BRINP3: variants seen among roughly 807,000 people sequenced by gnomAD.
The protein encoded by BRINP3 is BMP/retinoic acid inducible neural specific 3.
In BRINP3, 19 loss-of-function variants were observed where a neutral mutation model predicts 71.0. The ratio of observed to expected loss-of-function variants is 0.27; its 90% CI spans 0.19 to 0.39. The LOEUF (loss-of-function observed/expected upper bound fraction) is 0.39. BRINP3 is among the 10% of genes least tolerant of loss of function. BRINP3 has a pLI of 1.00. For synonymous variants in BRINP3, 380 were observed against 337.7 expected (o/e 1.13, Z -1.37); for missense variants, 959 against 940.8 (o/e 1.02, Z -0.25).
intron 2 of BRINP3, among the ~76,000 whole-genome samples, chr1:190,307,609 TA>T (rs143531774): frequency 0.015 from 2,336 of 152,116 alleles, 79 homozygotes; most frequent in African/African-American, 0.053. Flanking sequence ...CTAGTTAAGT[TA>T]TTCTAGTCTA....
At chr1:190,207,877 A>G (rs1451770152) in intron 6 of BRINP3, among the ~76,000 whole-genome samples, 1 of 152,138 alleles carries the variant, frequency 6.6e-6, no homozygotes, top group Non-Finnish European at 1.5e-5. Flanking sequence ...AGTTGATAGC[A>G]AATATTAACC....
At chr1:190,404,573 A>C (rs1558255960) in intron 2 of BRINP3, among the ~76,000 whole-genome samples, 1 of 152,196 alleles carries the variant, frequency 6.6e-6, no homozygotes, top group Non-Finnish European at 1.5e-5. Context: ...CATGATCTTA[A>C]GTAAAAGCAG....
chr1:190,315,587 C>A (rs983959157), intron 2 of BRINP3, among the ~76,000 whole-genome samples: 3 of 152,034 alleles, frequency 2.0e-5, no homozygotes, highest in African/African-American at 7.2e-5. Flanking sequence ...CTCTTCTACA[C>A]GAGAAATGCA....
At chr1:190,144,795 A>G (rs1571830772) in intron 7 of BRINP3, among the ~76,000 whole-genome samples, 1 of 151,972 alleles carries the variant, frequency 6.6e-6, no homozygotes, top group Non-Finnish European at 1.5e-5. Flanking sequence ...TTCTATTACT[A>G]TACTCTCCAT....
At chr1:190,297,941 A>T (rs1000120827) in intron 2 of BRINP3, among the ~76,000 whole-genome samples, 1 of 152,040 alleles carries the variant, frequency 6.6e-6, no homozygotes, top group Non-Finnish European at 1.5e-5. Context: ...TTCTTATTCA[A>T]ATATTTGTTA....
At chr1:190,327,512 A>G (rs2103070064) in intron 2 of BRINP3, among the ~76,000 whole-genome samples, 1 of 150,002 alleles carries the variant, frequency 6.7e-6, no homozygotes, top group Non-Finnish European at 1.5e-5. Flanking sequence ...GCGAGCAGAG[A>G]TTGCTATTCC....
chr1:190,196,738 A>G (rs78007266), intron 6 of BRINP3, among the ~76,000 whole-genome samples: 3,398 of 151,812 alleles, frequency 0.022, 129 homozygotes, highest in African/African-American at 0.077. Context: ...TGTGTTTTAG[A>G]AACAATAATT....
intron 2 of BRINP3, among the ~76,000 whole-genome samples, chr1:190,283,570 G>C (rs147794558): frequency 7.4e-4 from 111 of 150,662 alleles, no homozygotes; most frequent in African/African-American, 2.5e-3. Flanking sequence ...TTTTATGTTA[G>C]TCACTTCTAC....
rs532837074 is a variant in BRINP3 at position 190,150,566 on chromosome 1, C to T, written c.1184+10102G>A. Among the ~76,000 whole-genome samples the T allele has an allele frequency of 6.2e-4, 95 of 152,174 alleles. 2 individuals carry two copies. The highest frequency in any genetic ancestry group is 4.2e-3 in the South Asian group (20 of 4,814). ...TTTACCTGATTTCTGGTGTTTAGTA[C>T]GACATCTTATTATTTATTAGTACTA... On this transcript the variant is annotated intron_variant, in intron 7 of 7. Transcript: ENST00000367462.
At chr1:190,158,453 A>G (rs1657054302) in intron 7 of BRINP3, among the ~76,000 whole-genome samples, 1 of 152,102 alleles carries the variant, frequency 6.6e-6, no homozygotes, top group African/African-American at 2.4e-5. Flanking sequence ...TAGACACTAG[A>G]GACTATTAGA....
intron 2 of BRINP3, among the ~76,000 whole-genome samples, chr1:190,373,729 C>A (rs971359676): frequency 2.0e-5 from 3 of 151,654 alleles, no homozygotes; most frequent in African/African-American, 7.3e-5. Flanking sequence ...TGTCTTTTTG[C>A]TTCAGCTCTT....
intron 2 of BRINP3, among the ~76,000 whole-genome samples, chr1:190,397,674 A>C (rs1022168777): frequency 6.6e-6 from 1 of 152,068 alleles, no homozygotes; most frequent in African/African-American, 2.4e-5. Context: ...TGACCAAGAA[A>C]CACAACTGAA....
chr1:190,446,084 G>C (rs1235911976), intron 2 of BRINP3, among the ~76,000 whole-genome samples: 1 of 152,022 alleles, frequency 6.6e-6, no homozygotes, highest in Non-Finnish European at 1.5e-5. Context: ...TCTTCTGACA[G>C]TGGATTATAG....
At chr1:190,469,397 CTT>C (rs1676979016) in intron 1 of BRINP3, among the ~76,000 whole-genome samples, 1 of 150,914 alleles carries the variant, frequency 6.6e-6, no homozygotes, top group African/African-American at 2.4e-5. Flanking sequence ...ATAAGCTAGA[CTT>C]GATCTATGTA....
rs755169256 is a variant in BRINP3 at position 190,454,826 on chromosome 1, G to A, written c.65C>T (p.Ala22Val). The A allele has an allele frequency of 1.2e-6, 2 of 1,614,142 alleles. No individual in the cohort carries two copies. The change falls in exon 2 of 8, where the codon GCA becomes GTA. Residue 22 changes from alanine (A) to valine (V), a missense_variant. Ala to Val is a moderately conservative substitution (Grantham distance 64). Transcript: ENST00000367462. ...FSLMALWEWI[A>V]LSLHCWVLAV... Reference sequence around the variant, plus strand: ...TAAAACCCAGCAATGAAGACTCAGTGCTATCCACTCCCATAGAGCCATCAG... The same window carrying A: ...TAAAACCCAGCAATGAAGACTCAGTACTATCCACTCCCATAGAGCCATCAG...
At chr1:190,223,955 G>A (rs1657107529) in intron 6 of BRINP3, among the ~76,000 whole-genome samples, 1 of 151,520 alleles carries the variant, frequency 6.6e-6, no homozygotes, top group Non-Finnish European at 1.5e-5. Context: ...ATCTATATAA[G>A]AAAAACTATG....
intron 2 of BRINP3, among the ~76,000 whole-genome samples, chr1:190,379,620 TAGGGGATAGC>T (rs1259495909): frequency 6.6e-6 from 1 of 151,734 alleles, no homozygotes; most frequent in Non-Finnish European, 1.5e-5. Flanking sequence ...TCAAGGTAGC[TAGGGGATAGC>T]AGGGGAGAGA....
intron 7 of BRINP3, among the ~76,000 whole-genome samples, chr1:190,139,484 G>GA (rs745909429): frequency 3.0e-4 from 43 of 145,488 alleles, no homozygotes; most frequent in Non-Finnish European, 4.8e-4. Context: ...AGAAAGAAAA[G>GA]AAAAAAAATG....
chr1:190,332,180 G>A (rs901410119), intron 2 of BRINP3, among the ~76,000 whole-genome samples: 2 of 152,064 alleles, frequency 1.3e-5, no homozygotes, highest in Admixed American at 6.6e-5. Flanking sequence ...ATATGAACAC[G>A]TGTGTGAATT....
Sources: allele counts gnomAD v4.1 joint callset (sites outside exome capture counted in the v4.1 genomes callset), GRCh38; gene constraint gnomAD v4.1.1; transcripts MANE v1.5; gene names NCBI Gene and HGNC (gene_info 2026-07-23, HGNC 2026-07-21).